Variants in TTN observed in about 807,000 individuals in gnomAD.
The protein encoded by TTN is connectin.
A neutral mutation model predicts 3,223.0 loss-of-function variants in TTN; 1,525 were observed. That is an observed-to-expected ratio of 0.47 (90% CI 0.45 to 0.49). The LOEUF is 0.49. TTN is among the 20% of genes least tolerant of loss of function. The probability of loss-of-function intolerance (pLI) is 0.00; values close to 1 mark genes in which losing one functional copy is unlikely to be tolerated. For missense variants in TTN, 40,786 were observed against 43,424.0 expected, an observed-to-expected ratio of 0.94 and a Z score of 5.40; for synonymous variants, 14,094 against 15,161.0, an observed-to-expected ratio of 0.93 and a Z score of 5.17.
In TTN at chr2:178,733,374, A is replaced by C. The variant is rs1349650603; in HGVS notation, c.15919T>G (p.Tyr5307Asp). ...DGRPLVASKK[Y>D]RISFKNNVAQ... The stretch of plus-strand genomic sequence containing the variant: ...ACATTGTTTTTAAAACTTATTCGGT[A>C]TTTTTTACTGGCGACCAAGGGTCTC... Residue 5307 changes from tyrosine (Y) to aspartate (D), a missense_variant, in exon 54 of 363, where the codon TAC becomes GAC. Tyr to Asp is a radical substitution (Grantham distance 160, BLOSUM62 -3). Coordinates refer to ENST00000589042, the MANE Select transcript of TTN (RefSeq NM_001267550.2). The C allele has an allele frequency of 6.2e-7, 1 of 1,613,762 alleles. No homozygotes were observed. Among genetic ancestry groups the C allele is most frequent in the Non-Finnish European group, 8.5e-7 (1 of 1,179,764 alleles).
In TTN at chr2:178,620,407, T is replaced by G; in HGVS notation, c.46114A>C (p.Ile15372Leu). ...DCGFPDEGEY[I>L]VTAGQDKSVA... is the part of the protein sequence containing the mutation. ...GATTTATCTTGTCCAGCAGTGACAA[T>G]GTATTCACCTTCATCTGGGAAGCCA... Residue 15372 changes from isoleucine to leucine, a missense_variant, in exon 248 of 363, where the codon ATT becomes CTT. Transcript: ENST00000589042. 6.2e-7 allele frequency: 1 copy of G among 1,612,270 alleles called. No individual in the cohort carries two copies.
chr2:178,725,372 G>A lies in TTN; in HGVS notation c.20832C>T (p.Val6944=), dbSNP rs1264629263. The A allele has an allele frequency of 6.4e-7, 1 of 1,559,686 alleles. No homozygotes were observed. The highest frequency in any genetic ancestry group is 8.7e-7 in the Non-Finnish European group (1 of 1,150,684). Residue 6944 remains valine, a synonymous_variant, in exon 71 of 363, where the codon GTC becomes GTT. Coordinates refer to ENST00000589042, the MANE Select transcript of TTN (RefSeq NM_001267550.2). ...ATCGTGGGCTATTGTACCAACCTAAGACCATCAGTGTGGCCATGTTCTCCC... is the reference window on the plus strand; with the variant it reads ...ATCGTGGGCTATTGTACCAACCTAAAACCATCAGTGTGGCCATGTTCTCCC... ...GMRENMATLM[V]LEPAVIVEKA...
chr2:178,778,790 T>G, intron 24 of TTN, 84 bp downstream of exon 24: 2 of 1,588,408 alleles, frequency 1.3e-6, no homozygotes, highest in South Asian at 2.3e-5. Flanking sequence ...CTCGATTTTC[T>G]TCTTACACAA....
At chr2:178,774,141 T>G (rs1343701639) in intron 30 of TTN, 31 bp from the exon 31 acceptor site, 1 of 1,614,090 alleles carries the variant, frequency 6.2e-7, no homozygotes, top group Admixed American at 1.7e-5. Flanking sequence ...AAGAATGTTA[T>G]GATCATTTTT....
In TTN at chr2:178,561,010, G is replaced by T. The variant is rs1278975769; in HGVS notation, c.85122C>A (p.Val28374=). 1.2e-6 allele frequency: 2 copies of T among 1,613,756 alleles called. No homozygotes were observed. Among genetic ancestry groups the T allele is most frequent in the African/African-American group, 1.3e-5 (1 of 74,976 alleles). The change falls in exon 326 of 363, where the codon GTC becomes GTA. Residue 28374 remains valine (V), a synonymous_variant. Transcript: ENST00000589042. ...RDVIVVKAGE[V]LKINADIAGR... ...CTGCAATGTCTGCATTTATCTTAAG[G>T]ACCTCTCCAGCTTTGACAACAATAA...
rs748296171 is a variant in TTN at position 178,569,783 on chromosome 2, C to T, written c.76349G>A (p.Gly25450Asp). 11 of 1,613,280 alleles carry T rather than the reference C, an allele frequency of 6.8e-6. No homozygotes were observed. The highest frequency in any genetic ancestry group is 3.3e-4 in the Middle Eastern group (2 of 6,052). ...TGGTGGAGTGCACATTGTCCATTCACCAACACTCACATCACATTTTTCAAC... is the reference window on the plus strand; with the variant it reads ...TGGTGGAGTGCACATTGTCCATTCATCAACACTCACATCACATTTTTCAAC... ...YIVEKCDVSV[G>D]EWTMCTPPTG... Residue 25450 changes from glycine to aspartate, a missense_variant, in exon 326 of 363, where the codon GGT becomes GAT. Transcript: ENST00000589042.
Position 178,692,034 on chromosome 2 carries a change from G to C in TTN, c.31744C>G (p.Pro10582Ala), listed in dbSNP as rs761971861. The C allele has an allele frequency of 6.2e-7, 1 of 1,612,730 alleles. No individual in the cohort carries two copies. The highest frequency in any genetic ancestry group is 8.5e-7 in the Non-Finnish European group (1 of 1,179,100). ...GGCGTACCTTTTGGGGGAGCAGCAG[G>C]TTCCTTCTTAGGCACAGGAACTGGC... ...KKPVPVPKKE[P>A]AAPPKVPEVP... The change falls in exon 121 of 363, where the codon CCT becomes GCT. Residue 10582 changes from proline to alanine, a missense_variant. Pro to Ala is a conservative substitution (Grantham distance 27). Transcript: ENST00000589042.
intron 71 of TTN, 147 bp from the exon 72 acceptor site, chr2:178,724,685 A>G (rs1275195027): frequency 7.2e-6 from 5 of 693,766 alleles, no homozygotes; most frequent in Non-Finnish European, 1.0e-5. Flanking sequence ...CCATAATTAC[A>G]TGCAGTCATA....
intron 65 of TTN, 33 bp from the exon 66 acceptor site, chr2:178,728,811 A>G (rs768615429): frequency 1.9e-6 from 3 of 1,582,480 alleles, no homozygotes; most frequent in African/African-American, 2.7e-5. Context: ...GATGAGTTAC[A>G]TTGGTAACTC....
intron 170 of TTN, 34 bp downstream of exon 170, chr2:178,663,785 A>C (rs766828120): frequency 2.5e-6 from 4 of 1,612,550 alleles, no homozygotes; most frequent in Admixed American, 3.3e-5. Context: ...GAGCAAAAGA[A>C]TGAGATCTGA....
intron 13 of TTN, among the ~76,000 whole-genome samples, chr2:178,787,984 T>C (rs2093294089): frequency 6.6e-6 from 1 of 152,026 alleles, no homozygotes; most frequent in Non-Finnish European, 1.5e-5. Flanking sequence ...AGAGTATTAT[T>C]TGGTCTGACT....
chr2:178,693,867 A>C (rs554351104), intron 118 of TTN, 55 bp downstream of exon 118: 1 of 1,506,396 alleles, frequency 6.6e-7, no homozygotes, highest in East Asian at 2.3e-5. Flanking sequence ...AAGAGGGATA[A>C]AAATCTGCCT....
At chr2:178,711,754 T>G (rs1378743983) in intron 96 of TTN, among the ~76,000 whole-genome samples, 190 bp downstream of exon 96, 1 of 152,172 alleles carries the variant, frequency 6.6e-6, no homozygotes, top group East Asian at 1.9e-4. Context: ...ATCCTTCCAA[T>G]TAAAGATTTA....
rs557087941 is a variant in TTN, at chr2:178,747,271, G to A, written c.11312-5350C>T. 62 of 1,613,024 alleles carry A rather than the reference G, an allele frequency of 3.8e-5. No homozygotes were observed. Among genetic ancestry groups the A allele is most frequent in the South Asian group, 3.4e-4 (31 of 91,056 alleles). ...AGTATCTTTCTCCTACCTCACCTTC[G>A]GAAGGTGTTGAATATCTTTCAGCAA... On this transcript the variant is annotated intron_variant, in intron 47 of 362. Coordinates refer to ENST00000589042, the MANE Select transcript of TTN (RefSeq NM_001267550.2).
rs1170974242 is a variant in TTN at position 178,710,819 on chromosome 2, T to A, written c.28278A>T (p.Ile9426=). Residue 9426 remains isoleucine (I), a synonymous_variant, in exon 98 of 363, where the codon ATA becomes ATT. Coordinates refer to ENST00000589042, the MANE Select transcript of TTN (RefSeq NM_001267550.2). ...TGCTGTCTTTGGCCCAGCTGACCTT[T>A]ATCGGTTGTGTGCCCGTGACGTGGC... ...FECHVTGTQP[I]KVSWAKDSRE... 2 of 1,613,800 alleles carry A rather than the reference T, an allele frequency of 1.2e-6. No individual in the cohort carries two copies. Among genetic ancestry groups the A allele is most frequent in the East Asian group, 4.5e-5 (2 of 44,886 alleles).
At position 178,653,115 on chromosome 2, in the gene TTN, G is replaced by T; in HGVS notation, c.38801C>A (p.Ala12934Asp). Reference sequence around the variant, plus strand: ...CTTTTCAGGAACAACTTCTTTGGGAGCCTCTGGCACTTAAAAGATATTAGG... The same window carrying T: ...CTTTTCAGGAACAACTTCTTTGGGATCCTCTGGCACTTAAAAGATATTAGG... The part of the protein sequence containing the change: ...PEVPPVKVPE[A>D]PKEVVPEKKV... The change falls in exon 199 of 363, where the codon GCT (alanine) becomes GAT (aspartate). Residue 12934 changes from alanine (A) to aspartate (D), a missense_variant. Transcript: ENST00000589042. The T allele has an allele frequency of 6.2e-7, 1 of 1,612,726 alleles. No individual in the cohort carries two copies.
rs794729481 is a variant in TTN, at chr2:178,580,224, G to A, written c.67063C>T (p.Pro22355Ser). Residue 22355 changes from proline to serine, a missense_variant, in exon 318 of 363, where the codon CCT becomes TCT. By Grantham distance (74) the Pro-to-Ser change is moderately conservative. Transcript: ENST00000589042. ...ACAGTCACATTGACAGGTGGCCCAGGAGTATCTGGATAAATAGTAGGTAAA... is the reference window on the plus strand; with the variant it reads ...ACAGTCACATTGACAGGTGGCCCAGAAGTATCTGGATAAATAGTAGGTAAA... Reference protein sequence around the residue: ...YTIVVKVLDTPGPPVNVTVKE... With the variant: ...YTIVVKVLDTSGPPVNVTVKE... 12 of 1,612,046 alleles carry A rather than the reference G, an allele frequency of 7.4e-6. No homozygotes were observed. The highest frequency in any genetic ancestry group is 8.5e-7 in the Non-Finnish European group (1 of 1,179,286).
chr2:178,799,409 G>A (rs1225702565), intron 6 of TTN, 78 bp downstream of exon 6: 1 of 1,607,704 alleles, frequency 6.2e-7, no homozygotes, highest in Non-Finnish European at 8.5e-7. Context: ...GCCCTGCGAG[G>A]GGGACAAGGG....
chr2:178,649,174 T>C (rs1004432801), intron 213 of TTN, 74 bp downstream of exon 213: 2 of 1,135,850 alleles, frequency 1.8e-6, no homozygotes, highest in African/African-American at 1.7e-5. Context: ...ATTCAGTATG[T>C]TTTTCTCTAA....
Sources: gnomAD v4.1 joint callset for allele counts (sites outside exome capture counted in the v4.1 genomes callset) on GRCh38, gnomAD v4.1.1 for gene constraint, MANE v1.5 for transcripts, NCBI Gene and HGNC (gene_info 2026-07-23, HGNC 2026-07-21) for gene names.